Variants in SIK3 observed in about 807,000 individuals in gnomAD.
SIK3 encodes SIK family kinase 3.
A neutral mutation model predicts 144.2 loss-of-function variants in SIK3; 28 were observed. The ratio of observed to expected loss-of-function variants is 0.19; its 90% CI spans 0.14 to 0.27. The LOEUF is 0.27. Among genes scored for constraint, SIK3 ranks in the 10% least tolerant of loss-of-function variants. The pLI, the probability that SIK3 is intolerant of heterozygous loss-of-function variation, is 1.00. For synonymous variants in SIK3, 686 were observed against 676.3 expected, an observed-to-expected ratio of 1.01 and a Z score of -0.22; for missense variants, 1,319 against 1,776.0, an observed-to-expected ratio of 0.74 and a Z score of 4.62.
chr11:116,965,752 T>TTGTGAAAACCCGTCTCTGCTA (rs1565507515), intron 1 of SIK3, among the ~76,000 whole-genome samples: 1 of 20,094 alleles, frequency 5.0e-5, no homozygotes, highest in African/African-American at 1.2e-4. Context: ...TATATATATA[T>TTGTGAAAACCCGTCTCTGCTA]ATATATATAT....
At chr11:117,046,706 C>T (rs1236832801) in intron 1 of SIK3, among the ~76,000 whole-genome samples, 2 of 152,072 alleles carry the variant, frequency 1.3e-5, no homozygotes, top group East Asian at 1.9e-4. Flanking sequence ...TGGCAAAACC[C>T]CGTCTCTACA....
At chr11:116,877,820 A>C (rs945834139) in intron 6 of SIK3, among the ~76,000 whole-genome samples, 1 of 152,192 alleles carries the variant, frequency 6.6e-6, no homozygotes, top group Non-Finnish European at 1.5e-5. Flanking sequence ...TGAGAGTAAT[A>C]GTTGTGATGA....
chr11:116,925,234 ATGAGGCCCTGT>A (rs1157920798), intron 4 of SIK3, among the ~76,000 whole-genome samples: 1 of 151,756 alleles, frequency 6.6e-6, no homozygotes, highest in East Asian at 1.9e-4. Context: ...GGGCAACAGA[ATGAGGCCCTGT>A]CTCGAAAACA....
At chr11:116,940,091 G>A (rs1054735677) in intron 3 of SIK3, among the ~76,000 whole-genome samples, 1 of 152,156 alleles carries the variant, frequency 6.6e-6, no homozygotes, top group African/African-American at 2.4e-5. Context: ...AAGAACAACT[G>A]ATATTGAATT....
At chr11:116,953,486 G>A (rs547003542) in intron 3 of SIK3, among the ~76,000 whole-genome samples, 1 of 152,238 alleles carries the variant, frequency 6.6e-6, no homozygotes, top group East Asian at 1.9e-4. Context: ...AAAGTCTCTT[G>A]CTTATTTCTG....
intron 1 of SIK3, among the ~76,000 whole-genome samples, chr11:117,033,748 AG>A (rs1205637425): frequency 6.6e-6 from 1 of 151,516 alleles, no homozygotes; most frequent in Non-Finnish European, 1.5e-5. Context: ...AGAAAAAAAA[AG>A]AAAAGGAAAA....
chr11:116,971,050 C>T (rs944127731), intron 1 of SIK3, among the ~76,000 whole-genome samples: 2 of 152,196 alleles, frequency 1.3e-5, no homozygotes, highest in Admixed American at 6.5e-5. Flanking sequence ...ATAAGTGTTT[C>T]TTTCCTCAAT....
intron 4 of SIK3, among the ~76,000 whole-genome samples, chr11:116,911,157 A>T (rs1041938607): frequency 6.6e-6 from 1 of 152,118 alleles, no homozygotes; most frequent in Non-Finnish European, 1.5e-5. Context: ...AAACAAAACA[A>T]AAACAATATG....
chr11:116,847,706 G>GAC, intron 22 of SIK3, 98 bp from the exon 23 acceptor site: 1 of 1,524,364 alleles, frequency 6.6e-7, no homozygotes, highest in Non-Finnish European at 9.0e-7. Context: ...CCAGGCAAAA[G>GAC]ACAGCCCGGG....
chr11:116,965,372 AT>A lies in SIK3; in HGVS notation c.274-8309del, dbSNP rs376035853. 2.3e-3 allele frequency among the ~76,000 whole-genome samples: 341 copies of A among 148,400 alleles called. 1 individual carries two copies. The highest frequency in any genetic ancestry group is 5.1e-3 in the African/African-American group (205 of 40,592). ...GTTTATCACTTAAATGTATTCAACA[AT>A]TTTTTTTTTTTAAAAAAAAGGAGTG... On this transcript the variant is annotated intron_variant, in intron 1 of 24. Transcript: ENST00000445177.
chr11:116,927,744 T>C (rs1324646858), intron 3 of SIK3, among the ~76,000 whole-genome samples: 2 of 152,096 alleles, frequency 1.3e-5, no homozygotes, highest in Admixed American at 6.6e-5. Flanking sequence ...AAGATAAGTA[T>C]CAGAAATATT....
chr11:116,938,606 G>GT (rs1948104276), intron 3 of SIK3, among the ~76,000 whole-genome samples: 2 of 70,930 alleles, frequency 2.8e-5, no homozygotes, highest in African/African-American at 1.6e-4. Context: ...GGGAGGAGAG[G>GT]AGAGGAGAGG....
chr11:116,847,664 C>A, intron 22 of SIK3, 56 bp from the exon 23 acceptor site: 1 of 1,606,778 alleles, frequency 6.2e-7, no homozygotes, highest in South Asian at 1.1e-5. Flanking sequence ...TCTCAGGCAA[C>A]CCCTAGAGAC....
intron 4 of SIK3, among the ~76,000 whole-genome samples, chr11:116,917,989 T>G (rs1364402702): frequency 6.6e-6 from 1 of 152,198 alleles, no homozygotes; most frequent in Non-Finnish European, 1.5e-5. Context: ...TAAAATTATT[T>G]TTCTTTGTTC....
chr11:116,951,429 A>G (rs1948929956), intron 3 of SIK3, among the ~76,000 whole-genome samples: 1 of 152,182 alleles, frequency 6.6e-6, no homozygotes, highest in Admixed American at 6.5e-5. Flanking sequence ...ATTGTTATAT[A>G]TTACATAATA....
intron 4 of SIK3, among the ~76,000 whole-genome samples, chr11:116,901,084 C>T (rs1461150030): frequency 1.3e-5 from 2 of 152,090 alleles, no homozygotes; most frequent in Non-Finnish European, 2.9e-5. Flanking sequence ...AGGCTGGTCT[C>T]GAACTCCCGA....
chr11:116,959,589 C>T (rs1949268093), intron 1 of SIK3, among the ~76,000 whole-genome samples: 1 of 152,110 alleles, frequency 6.6e-6, no homozygotes, highest in African/African-American at 2.4e-5. Context: ...GAAATTTGTG[C>T]ATTCTTTCAC....
chr11:116,945,699 A>G (rs956864008), intron 3 of SIK3, among the ~76,000 whole-genome samples: 1 of 152,170 alleles, frequency 6.6e-6, no homozygotes, highest in Non-Finnish European at 1.5e-5. Flanking sequence ...AAACAGGATC[A>G]GTCCAATTGT....
chr11:117,035,889 A>G, intron 1 of SIK3: 1 of 1,596,888 alleles, frequency 6.3e-7, no homozygotes. Context: ...CCAACACACA[A>G]AACTACCGTT....
Sources: gnomAD v4.1 joint callset for allele counts (sites outside exome capture counted in the v4.1 genomes callset) on GRCh38, gnomAD v4.1.1 for gene constraint, MANE v1.5 for transcripts, NCBI Gene and HGNC (gene_info 2026-07-23, HGNC 2026-07-21) for gene names.